WWC1: variants seen among roughly 807,000 people sequenced by gnomAD.
WWC1 encodes the protein protein KIBRA.
In WWC1, 55 loss-of-function variants were observed where a neutral mutation model predicts 138.4. The ratio of observed to expected loss-of-function variants is 0.40; its 90% CI spans 0.32 to 0.50. The LOEUF (loss-of-function observed/expected upper bound fraction) is 0.50, where lower values mean the gene tolerates loss of function less well. WWC1 is among the 20% of genes least tolerant of loss of function. The pLI is 0.72. For synonymous variants in WWC1, 524 were observed against 564.9 expected (o/e 0.93, Z 1.03); for missense variants, 1,226 against 1,420.4 (o/e 0.86, Z 2.20).
chr5:168,431,468 GGC>G lies in WWC1; in HGVS notation c.2280+25_2280+26del. The G allele has an allele frequency of 4.4e-6, 6 of 1,350,634 alleles. No homozygotes were observed. The Middle Eastern group carries it at 1.2e-3, about 266-fold the overall frequency. The allele number at this position is 1,350,634 out of a possible 1,614,324, so 83.7% of individuals were successfully genotyped here. A position where few individuals can be genotyped will look rare whatever the true frequency, so the allele number is the denominator to read the frequency against. On this transcript the variant is annotated intron_variant, in intron 15 of 22. Transcript: ENST00000265293. ...TGGTAAGGGCCGTGTCTGGCTGGCT[GGC>G]TGGCTGGCTGGCTGGCTGGCTGGCT...
intron 1 of WWC1, among the ~76,000 whole-genome samples, chr5:168,352,363 T>C (rs1291182118): frequency 6.6e-6 from 1 of 152,118 alleles, no homozygotes; most frequent in Non-Finnish European, 1.5e-5. Context: ...CAAATATCAT[T>C]CATTGAGCTC....
intron 1 of WWC1, among the ~76,000 whole-genome samples, chr5:168,347,591 G>A (rs1012518609): frequency 2.6e-5 from 4 of 152,276 alleles, no homozygotes; most frequent in East Asian, 3.9e-4. Context: ...CTGTCAGCTC[G>A]TGGCCTCAAC....
intron 1 of WWC1, among the ~76,000 whole-genome samples, chr5:168,341,945 G>A (rs1207448402): frequency 5.9e-5 from 9 of 152,330 alleles, no homozygotes; most frequent in Admixed American, 5.2e-4. Context: ...CACAATTAGA[G>A]CTGTGCTGCC....
At chr5:168,460,346 C>T (rs1756697108) in intron 19 of WWC1, among the ~76,000 whole-genome samples, 1 of 152,204 alleles carries the variant, frequency 6.6e-6, no homozygotes, top group Non-Finnish European at 1.5e-5. Context: ...CTTCTGTCAC[C>T]TCACTTGTGA....
chr5:168,432,395 C>A (rs1224112147), intron 15 of WWC1, among the ~76,000 whole-genome samples: 2 of 152,130 alleles, frequency 1.3e-5, no homozygotes, highest in African/African-American at 4.8e-5. Flanking sequence ...TGAAGTAGCC[C>A]AAGTACATTT....
chr5:168,299,475 A>T (rs1227479303), intron 1 of WWC1, among the ~76,000 whole-genome samples: 2 of 152,174 alleles, frequency 1.3e-5, no homozygotes, highest in Non-Finnish European at 2.9e-5. Context: ...TCTTTGAAGG[A>T]TGCAGTGTGT....
chr5:168,409,425 G>A (rs1184994355), intron 7 of WWC1, among the ~76,000 whole-genome samples: 2 of 152,172 alleles, frequency 1.3e-5, no homozygotes, highest in Non-Finnish European at 2.9e-5. Context: ...CCAGCTACTA[G>A]CCATCTGCAG....
intron 17 of WWC1, among the ~76,000 whole-genome samples, chr5:168,445,130 A>G (rs1236303305): frequency 6.6e-6 from 1 of 151,904 alleles, no homozygotes; most frequent in Non-Finnish European, 1.5e-5. Flanking sequence ...CCTGACCAAC[A>G]TGTTGAAACC....
chr5:168,436,283 A>C (rs6890409), intron 15 of WWC1, among the ~76,000 whole-genome samples: 100,381 of 151,776 alleles, frequency 0.66, 35,176 homozygotes, highest in East Asian at 0.99. Context: ...CCTCCTTCAA[A>C]ATCCTTTGCC....
At chr5:168,432,692 G>A (rs1168115309) in intron 15 of WWC1, among the ~76,000 whole-genome samples, 2 of 152,042 alleles carry the variant, frequency 1.3e-5, no homozygotes, top group Non-Finnish European at 2.9e-5. Context: ...GTCTGGGGCT[G>A]GGGATTCAAT....
chr5:168,446,925 G>A (rs1251456803), intron 17 of WWC1, among the ~76,000 whole-genome samples: 3 of 152,184 alleles, frequency 2.0e-5, no homozygotes, highest in Non-Finnish European at 4.4e-5. Flanking sequence ...AAATAAGTTG[G>A]TCTTAAGTGC....
At chr5:168,410,065 G>A in intron 8 of WWC1, 70 bp downstream of exon 8, 1 of 1,452,368 alleles carries the variant, frequency 6.9e-7, no homozygotes, top group Non-Finnish European at 9.7e-7. Flanking sequence ...TGCCTGCTCT[G>A]TGCTTAGCTT....
intron 6 of WWC1, among the ~76,000 whole-genome samples, chr5:168,406,772 T>C (rs1417067247): frequency 6.6e-6 from 1 of 151,874 alleles, no homozygotes; most frequent in Non-Finnish European, 1.5e-5. Flanking sequence ...AAACCCCGTC[T>C]CTACTAAAAA....
intron 5 of WWC1, among the ~76,000 whole-genome samples, chr5:168,403,071 TTTCTTTC>T (rs1779489786): frequency 1.1e-5 from 1 of 92,484 alleles, no homozygotes. Context: ...TCTTTCTTTC[TTTCTTTC>T]TTTTCTTTCT....
At chr5:168,323,601 GA>G (rs1561609021) in intron 1 of WWC1, among the ~76,000 whole-genome samples, 3 of 150,396 alleles carry the variant, frequency 2.0e-5, no homozygotes, top group African/African-American at 4.9e-5. Flanking sequence ...AAAAAGCTTG[GA>G]AAAAAAAAGT....
At chr5:168,368,712 G>T (rs569591614) in intron 1 of WWC1, among the ~76,000 whole-genome samples, 2 of 152,350 alleles carry the variant, frequency 1.3e-5, no homozygotes, top group East Asian at 3.9e-4. Flanking sequence ...ATGAGGTGAT[G>T]TTAGATGAGG....
chr5:168,429,256 A>ATTTTTTTTTTTTT (rs67280988), intron 13 of WWC1, among the ~76,000 whole-genome samples: 1 of 116,376 alleles, frequency 8.6e-6, no homozygotes, highest in Non-Finnish European at 1.7e-5. Flanking sequence ...TATGATCTCA[A>ATTTTTTTTTTTTT]TTTTTTTTTT....
chr5:168,444,523 A>G lies in WWC1; in HGVS notation c.2463A>G (p.Thr821=). 2 of 1,599,426 alleles carry G rather than the reference A, an allele frequency of 1.3e-6. No homozygotes were observed. The highest frequency in any genetic ancestry group is 4.5e-5 in the East Asian group (2 of 44,552). The change falls in exon 17 of 23, where the codon ACA becomes ACG. Residue 821 remains threonine, a synonymous_variant. Transcript: ENST00000265293. ...TDAVSALLEQ[T]AVELEKRQEG... ...CTGTGTCTGCTCTGTTGGAACAGACAGCAGTGGAGCTGGAGAAGAGGCAGG... is the reference window on the plus strand; with the variant it reads ...CTGTGTCTGCTCTGTTGGAACAGACGGCAGTGGAGCTGGAGAAGAGGCAGG...
intron 16 of WWC1, among the ~76,000 whole-genome samples, 188 bp downstream of exon 16, chr5:168,442,022 G>T (rs1446847966): frequency 2.0e-5 from 3 of 152,220 alleles, no homozygotes; most frequent in Admixed American, 1.3e-4. Context: ...TCTGCAACTT[G>T]TTCCCTTCCA....
Sources: allele counts gnomAD v4.1 joint callset (sites outside exome capture counted in the v4.1 genomes callset), GRCh38; gene constraint gnomAD v4.1.1; transcripts MANE v1.5; gene names NCBI Gene and HGNC (gene_info 2026-07-23, HGNC 2026-07-21).